The following POLA1 variants were observed in gnomAD, a reference collection of about 807,000 sequenced individuals.
POLA1 encodes the protein DNA polymerase alpha 1, catalytic subunit.
Under a neutral mutation model 124.0 loss-of-function variants are expected in POLA1, and 15 were observed. The observed-to-expected ratio is 0.12, with a 90% confidence interval of 0.08 to 0.19. POLA1 has a LOEUF of 0.19. Ranked by LOEUF, POLA1 falls within the 10% of genes least tolerant of loss-of-function variation. POLA1 has a pLI of 1.00. For synonymous variants in POLA1, 408 were observed against 389.4 expected (o/e 1.05, Z -0.56); for missense variants, 886 against 1,103.4 (o/e 0.80, Z 2.79).
intron 34 of POLA1, among the ~76,000 whole-genome samples, chrX:24,851,579 A>G (rs1270148768): frequency 8.8e-6 from 1 of 113,374 alleles, no homozygotes; most frequent in Non-Finnish European, 1.9e-5. Flanking sequence ...AGCCATTGAA[A>G]GGAAGCACGT....
At chrX:24,916,287 C>CTTTTTCT (rs1556023544) in intron 35 of POLA1, among the ~76,000 whole-genome samples, 7 of 95,162 alleles carry the variant, frequency 7.4e-5, no homozygotes, top group African/African-American at 2.8e-4. Context: ...TTTCTTTTTT[C>CTTTTTCT]TTTTTTTTTT....
intron 26 of POLA1, among the ~76,000 whole-genome samples, chrX:24,768,422 A>T (rs1422300355): frequency 8.9e-6 from 1 of 111,839 alleles, no homozygotes; most frequent in Non-Finnish European, 1.9e-5. Context: ...CCACAGCTCA[A>T]ACTTGGCATG....
intron 31 of POLA1, 82 bp from the exon 32 acceptor site, chrX:24,826,345 C>A: frequency 1.5e-6 from 1 of 667,715 alleles, no homozygotes; most frequent in Non-Finnish European, 2.1e-6. Context: ...TCTGTTTGAC[C>A]AAGCAAGTGT....
intron 26 of POLA1, among the ~76,000 whole-genome samples, chrX:24,766,757 G>A (rs1932913812): frequency 9.0e-6 from 1 of 110,834 alleles, no homozygotes; most frequent in African/African-American, 3.3e-5. Flanking sequence ...TTTTGGAGAG[G>A]GGTGGGAGGA....
At chrX:24,731,471 A>C (rs1428030972) in intron 15 of POLA1, among the ~76,000 whole-genome samples, 4 of 112,295 alleles carry the variant, frequency 3.6e-5, no homozygotes, top group African/African-American at 1.3e-4. Flanking sequence ...CTATTCATGT[A>C]ATTGTATTAG....
At chrX:24,879,201 A>G (rs2046972605) in intron 34 of POLA1, among the ~76,000 whole-genome samples, 1 of 111,535 alleles carries the variant, frequency 9.0e-6, no homozygotes, top group Non-Finnish European at 1.9e-5. Flanking sequence ...TAGAGGTTTC[A>G]TCACTAAAAC....
chrX:24,744,997 T>TG (rs1173792221), intron 23 of POLA1, among the ~76,000 whole-genome samples: 977 of 66,434 alleles, frequency 0.015, 34 homozygotes, highest in African/African-American at 0.061. Flanking sequence ...TGGTTTTATT[T>TG]GGGGTGGGGG....
chrX:24,727,222 A>C (rs1930596034), intron 14 of POLA1, 151 bp downstream of exon 14: 1 of 458,739 alleles, frequency 2.2e-6, no homozygotes, highest in East Asian at 4.3e-5. Context: ...TATAGGGAGT[A>C]CATTTGGAAT....
At chrX:24,931,326 G>C (rs1173114817) in intron 36 of POLA1, among the ~76,000 whole-genome samples, 1 of 111,166 alleles carries the variant, frequency 9.0e-6, no homozygotes. Flanking sequence ...TCAACGTTTT[G>C]TTGGTCGGTA....
chrX:24,882,671 C>CTA (rs899514624), intron 34 of POLA1, among the ~76,000 whole-genome samples: 1 of 96,946 alleles, frequency 1.0e-5, no homozygotes, highest in African/African-American at 3.8e-5. Flanking sequence ...TGGCTGCATA[C>CTA]TATATATTCC....
chrX:24,769,719 C>A (rs1476196521), intron 26 of POLA1, among the ~76,000 whole-genome samples: 2 of 111,421 alleles, frequency 1.8e-5, no homozygotes, highest in African/African-American at 6.5e-5. Context: ...TTGAAGTGCA[C>A]TGATGTGACC....
chrX:24,733,246 G>C (rs185548384), intron 16 of POLA1, among the ~76,000 whole-genome samples: 2 of 112,158 alleles, frequency 1.8e-5, no homozygotes, highest in East Asian at 5.6e-4. Context: ...GAACAAAATG[G>C]TGATGAGAAT....
At chrX:24,858,833 C>T (rs1300691922) in intron 34 of POLA1, among the ~76,000 whole-genome samples, 1 of 112,312 alleles carries the variant, frequency 8.9e-6, no homozygotes, top group Non-Finnish European at 1.9e-5. Flanking sequence ...CTCTCACACA[C>T]CAAAAGTATT....
At chrX:24,837,072 T>G (rs982320994) in intron 32 of POLA1, among the ~76,000 whole-genome samples, 4 of 112,003 alleles carry the variant, frequency 3.6e-5, no homozygotes, top group African/African-American at 1.3e-4. Flanking sequence ...TTCAGATTTT[T>G]GGATTAGGGA....
chrX:24,745,056 A>G (rs189224102), intron 23 of POLA1, among the ~76,000 whole-genome samples: 17 of 106,562 alleles, frequency 1.6e-4, no homozygotes, highest in African/African-American at 5.9e-4. Context: ...GCTTTGAAGG[A>G]GAGTTGAACA....
intron 28 of POLA1, among the ~76,000 whole-genome samples, chrX:24,811,217 A>G (rs1276335851): frequency 9.2e-6 from 1 of 108,273 alleles, no homozygotes; most frequent in African/African-American, 3.4e-5. Flanking sequence ...AAGTTCTGGG[A>G]TTACAGGCAT....
rs892798505 is a variant in POLA1 at position 24,698,595 on chromosome X, T to C, written c.44-830T>C. Among the ~76,000 whole-genome samples the C allele has an allele frequency of 4.5e-5, 5 of 112,271 alleles. No homozygotes were observed. The Admixed American group carries it at 4.7e-4, about 11-fold the overall frequency. On this transcript the variant is annotated intron_variant, in intron 1 of 36. Coordinates refer to ENST00000379068, the MANE Select transcript of POLA1 (RefSeq NM_001330360.2). ...CTTGTCTCCCATGTTAGATAGTAAG[T>C]TCTGTGAGTACAGAGACCATGTCTT...
At chrX:24,811,127 A>AT (rs2045892082) in intron 28 of POLA1, among the ~76,000 whole-genome samples, 1 of 108,250 alleles carries the variant, frequency 9.2e-6, no homozygotes, top group South Asian at 4.1e-4. Flanking sequence ...TTAAAAAACA[A>AT]TTTTTTTTGT....
chrX:24,805,615 C>G (rs1355614399), intron 26 of POLA1, among the ~76,000 whole-genome samples: 1 of 111,895 alleles, frequency 8.9e-6, no homozygotes, highest in South Asian at 3.7e-4. Context: ...AACAATTATT[C>G]TCAACAGCTG....
Sources: allele counts gnomAD v4.1 joint callset (sites outside exome capture counted in the v4.1 genomes callset), GRCh38; gene constraint gnomAD v4.1.1; transcripts MANE v1.5; gene names NCBI Gene and HGNC (gene_info 2026-07-23, HGNC 2026-07-21).